The following NPEPPS variants were observed in gnomAD, a reference collection of about 807,000 sequenced individuals.
The protein encoded by NPEPPS is puromycin-sensitive aminopeptidase.
Under a neutral mutation model 115.5 loss-of-function variants are expected in NPEPPS, and 14 were observed. The ratio of observed to expected loss-of-function variants is 0.12; its 90% confidence interval spans 0.08 to 0.19. NPEPPS has a LOEUF of 0.19. Among genes scored for constraint, NPEPPS ranks in the 10% least tolerant of loss-of-function variants. The pLI, the probability that NPEPPS is intolerant of heterozygous loss-of-function variation, is 1.00. For missense variants in NPEPPS, 523 were observed against 1,110.8 expected (o/e 0.47, Z 7.52); for synonymous variants, 285 against 390.6 (o/e 0.73, Z 3.19).
chr17:47,613,279 T>TTC (rs1555612990), intron 18 of NPEPPS, among the ~76,000 whole-genome samples: 13 of 143,816 alleles, frequency 9.0e-5, no homozygotes, highest in South Asian at 4.5e-4. Context: ...TTTTTTTTTT[T>TTC]TTCTGAGACG....
intron 21 of NPEPPS, 112 bp from the exon 22 acceptor site, chr17:47,619,625 C>CCA (rs1260452396): frequency 1.1e-5 from 10 of 877,884 alleles, no homozygotes; most frequent in Non-Finnish European, 1.9e-5. Context: ...ATCACACATC[C>CCA]TTTATAACAG....
intron 14 of NPEPPS, 102 bp from the exon 15 acceptor site, chr17:47,601,506 A>T: frequency 8.1e-7 from 1 of 1,240,566 alleles, no homozygotes; most frequent in Non-Finnish European, 1.2e-6. Flanking sequence ...CTATTGACTT[A>T]ACAGTTTGGC....
intron 13 of NPEPPS, among the ~76,000 whole-genome samples, chr17:47,598,833 C>A (rs1345886488): frequency 6.6e-6 from 1 of 152,100 alleles, no homozygotes; most frequent in Non-Finnish European, 1.5e-5. Context: ...CGGCCAAACT[C>A]ATCCTCCATT....
intron 1 of NPEPPS, among the ~76,000 whole-genome samples, chr17:47,537,031 A>G (rs1162213151): frequency 3.3e-5 from 5 of 152,036 alleles, no homozygotes; most frequent in East Asian, 1.9e-4. Flanking sequence ...CATATTTTCT[A>G]TGTAATCATT....
intron 3 of NPEPPS, among the ~76,000 whole-genome samples, chr17:47,572,650 G>T (rs1911267356): frequency 6.6e-6 from 1 of 152,164 alleles, no homozygotes; most frequent in Non-Finnish European, 1.5e-5. Flanking sequence ...GTTAAAAGAT[G>T]AAGTTGAGGA....
In NPEPPS at chr17:47,613,665, G is replaced by C. The variant is rs145082307; in HGVS notation, c.2239-4G>C. Reference sequence around the variant, plus strand: ...TCAAATGACTTATTTTTTGTCCCTTGTAGGTCTATCTGACTGTTTTGAAGC... The same window carrying C: ...TCAAATGACTTATTTTTTGTCCCTTCTAGGTCTATCTGACTGTTTTGAAGC... On this transcript the variant is annotated splice_polypyrimidine_tract_variant and splice_region_variant and intron_variant, in intron 18 of 22. Transcript: ENST00000322157. The C allele has an allele frequency of 6.2e-7, 1 of 1,606,874 alleles. No individual in the cohort carries two copies. The highest frequency in any genetic ancestry group is 8.5e-7 in the Non-Finnish European group (1 of 1,175,368).
chr17:47,533,338 G>A (rs1892945570), intron 1 of NPEPPS, among the ~76,000 whole-genome samples: 1 of 151,724 alleles, frequency 6.6e-6, no homozygotes, highest in African/African-American at 2.4e-5. Context: ...AATTTGAGAA[G>A]GTTATTTGGG....
At chr17:47,546,780 T>A (rs1450516527) in intron 2 of NPEPPS, among the ~76,000 whole-genome samples, 1 of 152,148 alleles carries the variant, frequency 6.6e-6, no homozygotes, top group African/African-American at 2.4e-5. Context: ...TCTCAGGTGA[T>A]CTGCCTGCCT....
At chr17:47,600,508 C>T (rs993033383) in intron 14 of NPEPPS, among the ~76,000 whole-genome samples, 1 of 152,156 alleles carries the variant, frequency 6.6e-6, no homozygotes, top group Non-Finnish European at 1.5e-5. Context: ...GTCACAGTTG[C>T]CGTTTTCTGC....
At chr17:47,609,246 T>G (rs978672884) in intron 17 of NPEPPS, among the ~76,000 whole-genome samples, 1 of 152,088 alleles carries the variant, frequency 6.6e-6, no homozygotes, top group Non-Finnish European at 1.5e-5. Flanking sequence ...AGTGCAGAAG[T>G]TAAGGAGTTG....
chr17:47,593,807 GGTATTT>G (rs1912663295), intron 12 of NPEPPS, among the ~76,000 whole-genome samples: 1 of 152,046 alleles, frequency 6.6e-6, no homozygotes, highest in African/African-American at 2.4e-5. Context: ...ATAACACAAT[GGTATTT>G]GTATACCTGA....
intron 15 of NPEPPS, among the ~76,000 whole-genome samples, chr17:47,602,957 T>TA (rs1567867017): frequency 6.6e-6 from 1 of 152,088 alleles, no homozygotes; most frequent in African/African-American, 2.4e-5. Context: ...TTAGGTTAAA[T>TA]AAAGGGAATC....
chr17:47,602,984 C>T (rs1175100371), intron 15 of NPEPPS, among the ~76,000 whole-genome samples: 3 of 151,862 alleles, frequency 2.0e-5, no homozygotes, highest in Admixed American at 6.6e-5. Context: ...GTGATAGTTG[C>T]GTTAAAATTG....
chr17:47,561,223 A>C (rs1261023914), intron 2 of NPEPPS, among the ~76,000 whole-genome samples: 2 of 151,908 alleles, frequency 1.3e-5, no homozygotes, highest in Non-Finnish European at 2.9e-5. Flanking sequence ...ATGTATAGAC[A>C]TAAAGGGGGC....
intron 4 of NPEPPS, chr17:47,579,725 C>G (rs541539589): frequency 2.3e-6 from 1 of 426,026 alleles, no homozygotes; most frequent in Non-Finnish European, 4.2e-6. Context: ...TACAGTTATA[C>G]ACACAGACGC....
chr17:47,602,560 C>T (rs1567866816), intron 15 of NPEPPS, among the ~76,000 whole-genome samples: 1 of 151,260 alleles, frequency 6.6e-6, no homozygotes, highest in Non-Finnish European at 1.5e-5. Flanking sequence ...ATCGCTTGAA[C>T]CCAGGAGGCG....
chr17:47,581,683 G>GGTTGGTTT (rs1911886704), intron 4 of NPEPPS: 1 of 149,794 alleles, frequency 6.7e-6, no homozygotes, highest in Admixed American at 6.7e-5. Context: ...CTACCTCTTT[G>GGTTGGTTT]GTTTGTTTGT....
chr17:47,587,710 T>A (rs1449529691), intron 9 of NPEPPS, among the ~76,000 whole-genome samples: 1 of 152,236 alleles, frequency 6.6e-6, no homozygotes, highest in Non-Finnish European at 1.5e-5. Flanking sequence ...TTAATCTGAT[T>A]CACAGCTGAA....
chr17:47,589,750 G>T (rs2259089), intron 9 of NPEPPS, among the ~76,000 whole-genome samples: 1 of 152,026 alleles, frequency 6.6e-6, no homozygotes, highest in Non-Finnish European at 1.5e-5. Flanking sequence ...TTACTGAACT[G>T]CATTTTTGTT....
Sources: allele counts gnomAD v4.1 joint callset (sites outside exome capture counted in the v4.1 genomes callset), GRCh38; gene constraint gnomAD v4.1.1; transcripts MANE v1.5; gene names NCBI Gene and HGNC (gene_info 2026-07-23, HGNC 2026-07-21).